The following LRP1B variants were observed in gnomAD, a reference collection of about 807,000 sequenced individuals.
LRP1B encodes the protein low-density lipoprotein receptor-related protein 1B.
LRP1B carries 217 observed loss-of-function variants against 556.6 expected under a neutral mutation model. The ratio of observed to expected loss-of-function variants is 0.39; its 90% confidence interval spans 0.35 to 0.44. The LOEUF (loss-of-function observed/expected upper bound fraction) is 0.44. Among genes scored for constraint, LRP1B ranks in the 20% least tolerant of loss-of-function variants. LRP1B has a pLI of 1.00. For missense variants in LRP1B, 5,053 were observed against 5,620.8 expected, an observed-to-expected ratio of 0.90 and a Z score of 3.23; for synonymous variants, 2,047 against 1,865.8, an observed-to-expected ratio of 1.10 and a Z score of -2.50.
chr2:141,274,295 A>T (rs1399508640), intron 3 of LRP1B, among the ~76,000 whole-genome samples: 1 of 152,222 alleles, frequency 6.6e-6, no homozygotes, highest in Non-Finnish European at 1.5e-5. Flanking sequence ...AAAACTGGAA[A>T]CAATTCAAGA....
chr2:141,622,647 G>C (rs190961841), intron 2 of LRP1B, among the ~76,000 whole-genome samples: 8 of 152,296 alleles, frequency 5.3e-5, no homozygotes, highest in Admixed American at 3.9e-4. Flanking sequence ...TATCCACACA[G>C]TCTCTCTGGA....
intron 66 of LRP1B, among the ~76,000 whole-genome samples, chr2:140,407,356 C>T (rs964293893): frequency 6.6e-6 from 1 of 151,932 alleles, no homozygotes; most frequent in Non-Finnish European, 1.5e-5. Context: ...AACTAAAAAG[C>T]TTCTGCACAG....
intron 85 of LRP1B, among the ~76,000 whole-genome samples, chr2:140,271,219 A>C (rs1434725704): frequency 6.6e-6 from 1 of 151,980 alleles, no homozygotes; most frequent in Non-Finnish European, 1.5e-5. Context: ...TCAACATTTC[A>C]AATTATCCCG....
chr2:142,040,446 T>C (rs1397333073), intron 1 of LRP1B, among the ~76,000 whole-genome samples: 1 of 151,364 alleles, frequency 6.6e-6, no homozygotes, highest in Non-Finnish European at 1.5e-5. Context: ...ATCCCTTATC[T>C]CTTTTTTAGT....
chr2:140,648,094 G>T lies in LRP1B; in HGVS notation c.6800-46455C>A, dbSNP rs529768536. 7.2e-5 allele frequency among the ~76,000 whole-genome samples: 11 copies of T among 152,272 alleles called. No individual in the cohort carries two copies. In the East Asian group the frequency reaches 1.4e-3, roughly 19 times the overall value. On this transcript the variant is annotated intron_variant, in intron 41 of 90. Transcript: ENST00000389484. ...GAAAATGTGGCACATATATACCATG[G>T]AATACTATGCAGCCATAGAAAAGGA...
In LRP1B at chr2:141,129,902, C is replaced by G. The variant is rs1574104796; in HGVS notation, c.1013+58519G>C. 4.0e-5 allele frequency among the ~76,000 whole-genome samples: 6 copies of G among 150,260 alleles called. No homozygotes were observed. In the South Asian group the frequency reaches 1.2e-3, roughly 31 times the overall value. ...TTCACATGGAAAAATAAGCTGTAAT[C>G]AACAGAGAAATTTTATAAACAGTTT... On this transcript the variant is annotated intron_variant, in intron 7 of 90. Transcript: ENST00000389484.
intron 3 of LRP1B, among the ~76,000 whole-genome samples, chr2:141,377,415 T>C (rs1279528578): frequency 6.6e-6 from 1 of 152,130 alleles, no homozygotes; most frequent in Non-Finnish European, 1.5e-5. Flanking sequence ...ATGCTTTCTT[T>C]CTTTTCATTC....
chr2:140,380,202 A>G (rs1683410566), intron 67 of LRP1B, among the ~76,000 whole-genome samples: 1 of 152,144 alleles, frequency 6.6e-6, no homozygotes, highest in Non-Finnish European at 1.5e-5. Context: ...CAGAGCGTAC[A>G]GAAGAGCTAT....
At chr2:141,122,405 GAAAAAA>G (rs56871197) in intron 7 of LRP1B, among the ~76,000 whole-genome samples, 2 of 144,724 alleles carry the variant, frequency 1.4e-5, no homozygotes, top group Non-Finnish European at 1.5e-5. Context: ...AAACTTACAA[GAAAAAA>G]AAAAAAAAAC....
chr2:140,239,714 T>C (rs1467355355), intron 87 of LRP1B, among the ~76,000 whole-genome samples, 182 bp from the exon 88 acceptor site: 2 of 150,950 alleles, frequency 1.3e-5, no homozygotes, highest in Non-Finnish European at 3.0e-5. Flanking sequence ...AAACACTTGA[T>C]CTGATGGAAA....
At chr2:141,120,388 TA>T (rs1303207606) in intron 7 of LRP1B, among the ~76,000 whole-genome samples, 3 of 151,940 alleles carry the variant, frequency 2.0e-5, no homozygotes, top group Non-Finnish European at 4.4e-5. Flanking sequence ...AATTATTTTT[TA>T]TGCCTGGGTT....
intron 14 of LRP1B, among the ~76,000 whole-genome samples, chr2:141,011,031 T>TA (rs1558798848): frequency 4.8e-5 from 7 of 146,394 alleles, no homozygotes; most frequent in East Asian, 4.0e-4. Flanking sequence ...AATATAGTTT[T>TA]TATATATATA....
chr2:141,361,442 C>G lies in LRP1B; in HGVS notation c.344-106801G>C, dbSNP rs565282544. On this transcript the variant is annotated intron_variant, in intron 3 of 90. Coordinates refer to ENST00000389484, the MANE Select transcript of LRP1B (RefSeq NM_018557.3). ...TATTTAAAGGAGATATGCTGTTATA[C>G]AAATTCTACTCATTCAATCTGCATT... Among the ~76,000 whole-genome samples the G allele has an allele frequency of 1.3e-3, 195 of 152,168 alleles. 1 individual carries two copies. Among genetic ancestry groups the G allele is most frequent in the Non-Finnish European group, 2.3e-3 (153 of 67,982 alleles).
At chr2:141,516,783 C>G (rs1219913917) in intron 2 of LRP1B, among the ~76,000 whole-genome samples, 3 of 150,608 alleles carry the variant, frequency 2.0e-5, no homozygotes, top group African/African-American at 7.3e-5. Context: ...CTGCAACCTC[C>G]GCCTCCCAGG....
intron 18 of LRP1B, among the ~76,000 whole-genome samples, chr2:140,961,911 T>C (rs1226445734): frequency 6.6e-6 from 1 of 152,140 alleles, no homozygotes. Flanking sequence ...ACCAGGAAAC[T>C]TGGCTAAGAG....
intron 32 of LRP1B, among the ~76,000 whole-genome samples, chr2:140,807,030 C>G (rs1690741853): frequency 6.6e-6 from 1 of 152,106 alleles, no homozygotes. Context: ...CCCAGAAAGC[C>G]TAATTTTAGT....
At position 140,457,665 on chromosome 2, in the gene LRP1B, T is replaced by A. The variant is rs1232706813; in HGVS notation, c.9626-14A>T. On this transcript the variant is annotated splice_polypyrimidine_tract_variant and intron_variant, in intron 60 of 90. Transcript: ENST00000389484. ...CTTGATTAGGGACTGTAATAGGAGA[T>A]GGTAAGATTAATGTTCAGTCTTGGA... is the stretch of plus-strand genomic sequence containing the variant. 6.2e-7 allele frequency: 1 copy of A among 1,601,812 alleles called. No individual in the cohort carries two copies. Among genetic ancestry groups the A allele is most frequent in the Non-Finnish European group, 8.6e-7 (1 of 1,169,412 alleles).
intron 35 of LRP1B, among the ~76,000 whole-genome samples, chr2:140,729,020 C>A (rs9653178): frequency 0.16 from 24,170 of 151,720 alleles, 1,997 homozygotes; most frequent in South Asian, 0.2. Context: ...TAAATTTAGT[C>A]ATTTCATACA....
chr2:141,887,215 C>T (rs1349325502), intron 1 of LRP1B, among the ~76,000 whole-genome samples: 2 of 152,048 alleles, frequency 1.3e-5, no homozygotes, highest in Admixed American at 6.6e-5. Context: ...AGGCTGGTCT[C>T]GAACTCCTGA....
Sources: allele counts gnomAD v4.1 joint callset (sites outside exome capture counted in the v4.1 genomes callset), GRCh38; gene constraint gnomAD v4.1.1; transcripts MANE v1.5; gene names NCBI Gene and HGNC (gene_info 2026-07-23, HGNC 2026-07-21).